The following SLC25A21 variants were observed in gnomAD, a reference collection of about 807,000 sequenced individuals.
SLC25A21 encodes the protein solute carrier family 25 member 21, also known as mitochondrial 2-oxodicarboxylate carrier.
SLC25A21 carries 47 observed loss-of-function variants against 43.8 expected under a neutral mutation model. That is an observed-to-expected ratio of 1.07 (90% CI 0.85 to 1.37). The LOEUF is 1.37. Ranked by LOEUF, SLC25A21 falls within the 40% of genes most tolerant of loss-of-function variation. The pLI is 0.00. For synonymous variants in SLC25A21, 131 were observed against 121.3 expected (o/e 1.08, Z -0.52); for missense variants, 352 against 350.2 (o/e 1.00, Z -0.04).
At chr14:36,934,691 C>T (rs1250794060) in intron 1 of SLC25A21, among the ~76,000 whole-genome samples, 3 of 146,666 alleles carry the variant, frequency 2.0e-5, no homozygotes, top group African/African-American at 7.5e-5. Context: ...ACTTTTGCTC[C>T]TTAGAGTTAT....
intron 1 of SLC25A21, among the ~76,000 whole-genome samples, chr14:37,027,178 G>T (rs1434114113): frequency 6.6e-6 from 1 of 152,146 alleles, no homozygotes; most frequent in African/African-American, 2.4e-5. Flanking sequence ...AGGGGAACTG[G>T]ATTCACAATT....
At chr14:36,746,287 C>T (rs79304783) in intron 3 of SLC25A21, among the ~76,000 whole-genome samples, 1 of 151,488 alleles carries the variant, frequency 6.6e-6, no homozygotes, top group Non-Finnish European at 1.5e-5. Flanking sequence ...GAAATCATGT[C>T]TTTGAAACAA....
intron 1 of SLC25A21, among the ~76,000 whole-genome samples, chr14:37,144,921 GGTGGTTGTTGTT>G (rs955073807): frequency 6.7e-5 from 4 of 59,312 alleles, no homozygotes; most frequent in South Asian, 1.2e-3. Context: ...GCCCAGCCTG[GGTGGTTGTTGTT>G]GTTGTTGTTG....
chr14:37,137,211 G>A (rs951650493), intron 1 of SLC25A21, among the ~76,000 whole-genome samples: 20 of 151,918 alleles, frequency 1.3e-4, no homozygotes, highest in Admixed American at 7.2e-4. Flanking sequence ...ATTAGCCAGG[G>A]TGGTCTCAAT....
intron 1 of SLC25A21, among the ~76,000 whole-genome samples, chr14:37,001,297 C>T (rs1960483602): frequency 6.6e-6 from 1 of 152,084 alleles, no homozygotes; most frequent in South Asian, 2.1e-4. Flanking sequence ...TTATTAAATG[C>T]CAGGCCCTTT....
intron 1 of SLC25A21, among the ~76,000 whole-genome samples, chr14:36,876,616 T>C (rs1890533248): frequency 6.6e-6 from 1 of 152,088 alleles, no homozygotes. Context: ...CTCCATATAC[T>C]TCTCCTTGCT....
intron 1 of SLC25A21, among the ~76,000 whole-genome samples, chr14:36,979,024 G>A (rs1035315616): frequency 2.0e-5 from 3 of 152,140 alleles, no homozygotes; most frequent in Non-Finnish European, 4.4e-5. Context: ...GAAGGTTGAG[G>A]CTGCAGTGAG....
chr14:37,096,093 A>G (rs898115645), intron 1 of SLC25A21, among the ~76,000 whole-genome samples: 1 of 152,204 alleles, frequency 6.6e-6, no homozygotes, highest in African/African-American at 2.4e-5. Flanking sequence ...ACAGTTCCAG[A>G]TTAAGAGGGA....
chr14:36,957,483 G>A (rs1180864719), intron 1 of SLC25A21, among the ~76,000 whole-genome samples: 2 of 152,218 alleles, frequency 1.3e-5, no homozygotes, highest in African/African-American at 4.8e-5. Flanking sequence ...ACATAAGTGG[G>A]TTGGGAGTAG....
intron 1 of SLC25A21, among the ~76,000 whole-genome samples, chr14:36,891,776 G>A (rs55764426): frequency 0.016 from 2,479 of 152,112 alleles, 73 homozygotes; most frequent in African/African-American, 0.056. Flanking sequence ...TTCAATACCC[G>A]ATTTCCCCTT....
chr14:37,035,447 T>C (rs896437355), intron 1 of SLC25A21, among the ~76,000 whole-genome samples: 1 of 152,224 alleles, frequency 6.6e-6, no homozygotes, highest in Non-Finnish European at 1.5e-5. Context: ...ATCTCTGTTA[T>C]TACAGAGTGA....
At chr14:37,115,362 A>C (rs1438699852) in intron 1 of SLC25A21, among the ~76,000 whole-genome samples, 3 of 152,202 alleles carry the variant, frequency 2.0e-5, no homozygotes, top group African/African-American at 4.8e-5. Context: ...TCTGACAAAT[A>C]TCTGAATGAA....
At chr14:36,795,138 C>G (rs1012379829) in intron 3 of SLC25A21, among the ~76,000 whole-genome samples, 1 of 152,100 alleles carries the variant, frequency 6.6e-6, no homozygotes, top group Non-Finnish European at 1.5e-5. Flanking sequence ...ATAAATTGCT[C>G]TTTTTGTTAT....
chr14:37,057,805 G>A (rs116261761), intron 1 of SLC25A21, among the ~76,000 whole-genome samples: 1,870 of 152,152 alleles, frequency 0.012, 30 homozygotes, highest in African/African-American at 0.042. Context: ...TTTTGAGAGC[G>A]TTTTCCCTTT....
chr14:36,980,950 G>C (rs1960005581), intron 1 of SLC25A21, among the ~76,000 whole-genome samples: 1 of 152,114 alleles, frequency 6.6e-6, no homozygotes, highest in African/African-American at 2.4e-5. Flanking sequence ...ATCGGACAAA[G>C]GGCTAATATC....
chr14:37,158,730 C>T lies in SLC25A21; in HGVS notation c.70+13551G>A, dbSNP rs536553580. Among the ~76,000 whole-genome samples, 414 of 152,130 alleles carry T rather than the reference C, an allele frequency of 2.7e-3. 1 individual carries two copies. Among genetic ancestry groups the T allele is most frequent in the African/African-American group, 7.3e-3 (302 of 41,522 alleles). On this transcript the variant is annotated intron_variant, in intron 1 of 9. Coordinates refer to ENST00000331299, the MANE Select transcript of SLC25A21 (RefSeq NM_030631.4). ...CCAACATAGTACTGGAAGTCCTAACCGAAGCAATCAGCCAAGAGAAAGAAA... is the reference window on the plus strand; with the variant it reads ...CCAACATAGTACTGGAAGTCCTAACTGAAGCAATCAGCCAAGAGAAAGAAA...
At chr14:37,040,515 C>G (rs187660079) in intron 1 of SLC25A21, among the ~76,000 whole-genome samples, 23 of 151,552 alleles carry the variant, frequency 1.5e-4, no homozygotes, top group African/African-American at 5.1e-4. Flanking sequence ...GTAGAGGGAG[C>G]TGACGAAGCT....
intron 2 of SLC25A21, among the ~76,000 whole-genome samples, chr14:36,846,451 G>A (rs530471999): frequency 1.3e-4 from 20 of 151,804 alleles, no homozygotes; most frequent in African/African-American, 3.4e-4. Flanking sequence ...CTGTGATCTC[G>A]GCTCACTGCA....
chr14:36,826,701 C>T (rs527889052), intron 2 of SLC25A21, among the ~76,000 whole-genome samples: 5 of 152,202 alleles, frequency 3.3e-5, no homozygotes, highest in Admixed American at 2.6e-4. Flanking sequence ...TTCTGTTTCT[C>T]ATTTCCATGT....
Sources: gnomAD v4.1 joint callset for allele counts (sites outside exome capture counted in the v4.1 genomes callset) on GRCh38, gnomAD v4.1.1 for gene constraint, MANE v1.5 for transcripts, NCBI Gene and HGNC (gene_info 2026-07-23, HGNC 2026-07-21) for gene names.